RSPH14: variants seen among roughly 807,000 people sequenced by gnomAD.
RSPH14 encodes the protein radial spoke head 14 homolog.
In RSPH14, 20 loss-of-function variants were observed where a neutral mutation model predicts 26.7. The ratio of observed to expected loss-of-function variants is 0.75; its 90% CI spans 0.53 to 1.09. RSPH14 has a LOEUF of 1.09. RSPH14 is among the 50% of genes least tolerant of loss of function. RSPH14 has a pLI of 0.00. For missense variants in RSPH14, 449 were observed against 457.2 expected, an observed-to-expected ratio of 0.98 and a Z score of 0.16; for synonymous variants, 177 against 189.3, an observed-to-expected ratio of 0.93 and a Z score of 0.53.
intron 4 of RSPH14, chr22:23,123,386 A>G: frequency 1.2e-6 from 2 of 1,613,870 alleles, no homozygotes; most frequent in South Asian, 1.1e-5. Context: ...ACGCGGTGAC[A>G]GACGTCATCA....
intron 4 of RSPH14, among the ~76,000 whole-genome samples, chr22:23,125,976 T>A (rs993576772): frequency 6.6e-6 from 1 of 151,990 alleles, no homozygotes; most frequent in African/African-American, 2.4e-5. Context: ...CCTGGTGCTG[T>A]CACCGCCCCA....
At chr22:23,142,714 G>A (rs1346897194), upstream of RSPH14, among the ~76,000 whole-genome samples, 58 of 152,182 alleles carry the variant, frequency 3.8e-4, no homozygotes, top group Admixed American at 3.8e-3. Context: ...CAGGCTGACC[G>A]CCTGGTAATG....
At chr22:23,100,822 C>A (rs2069281283) in intron 4 of RSPH14, among the ~76,000 whole-genome samples, 1 of 152,218 alleles carries the variant, frequency 6.6e-6, no homozygotes, top group Non-Finnish European at 1.5e-5. Context: ...CCCAAGGAGA[C>A]CCTATGGGTG....
the RSPH14 span, among the ~76,000 whole-genome samples, chr22:23,159,568 C>T: frequency 6.6e-6 from 1 of 152,248 alleles, no homozygotes; most frequent in African/African-American, 2.4e-5. Flanking sequence ...ATAACTACCC[C>T]ATAACTACTC....
upstream of RSPH14, among the ~76,000 whole-genome samples, chr22:23,149,420 G>T (rs919596900): frequency 5.9e-5 from 9 of 152,216 alleles, no homozygotes; most frequent in African/African-American, 1.9e-4. Context: ...TGAGGCCCAT[G>T]CTCTTAAACC....
At chr22:23,078,152 T>A (rs1352470782) in intron 4 of RSPH14, among the ~76,000 whole-genome samples, 2 of 152,192 alleles carry the variant, frequency 1.3e-5, no homozygotes, top group African/African-American at 4.8e-5. Flanking sequence ...TCCAGCATGG[T>A]CACCCCCTCA....
At chr22:23,156,823 T>G in the RSPH14 span, among the ~76,000 whole-genome samples, 1 of 152,290 alleles carries the variant, frequency 6.6e-6, no homozygotes, top group East Asian at 1.9e-4. Context: ...GGCCTCTCCT[T>G]GAAAGGATGC....
intron 4 of RSPH14, among the ~76,000 whole-genome samples, chr22:23,097,661 T>TC (rs2069166553): frequency 6.6e-6 from 1 of 152,252 alleles, no homozygotes; most frequent in Non-Finnish European, 1.5e-5. Context: ...CCCCTTACCC[T>TC]GTGGTTGCCA....
Position 23,059,440 on chromosome 22 carries a change from C to G in RSPH14, c.*22G>C. 3 of 1,575,894 alleles carry G rather than the reference C, an allele frequency of 1.9e-6. No individual in the cohort carries two copies. Among genetic ancestry groups the G allele is most frequent in the Non-Finnish European group, 2.6e-6 (3 of 1,157,158 alleles). ...TAAAGAGACTTAGCACATTTATTCA[C>G]TCACAGAGGTGAATGAAGGGCTCAG... is the stretch of plus-strand genomic sequence containing the variant. On this transcript the variant is annotated 3_prime_UTR_variant, in exon 7 of 7. Transcript: ENST00000216036.
chr22:23,136,044 G>C (rs191653746), intron 3 of RSPH14: 182 of 359,504 alleles, frequency 5.1e-4, no homozygotes, highest in Non-Finnish European at 7.5e-4. Context: ...TGAATCGTCT[G>C]GAAAAAGAAA....
intron 3 of RSPH14, chr22:23,137,678 T>C (rs1202927616): frequency 1.9e-6 from 1 of 540,110 alleles, no homozygotes; most frequent in East Asian, 3.2e-5. Flanking sequence ...TCTTGTCTTT[T>C]CTTCCTTCTG....
the RSPH14 span, chr22:23,152,997 A>G: frequency 4.8e-6 from 7 of 1,462,154 alleles, no homozygotes; most frequent in Non-Finnish European, 6.7e-6. Context: ...CATTTCTGTG[A>G]GTACACCCCT....
chr22:23,109,706 C>T (rs906946416), intron 4 of RSPH14, among the ~76,000 whole-genome samples: 5 of 152,194 alleles, frequency 3.3e-5, no homozygotes, highest in Non-Finnish European at 5.9e-5. Context: ...GCTCACAGAA[C>T]CACGGGGGCA....
At chr22:23,080,937 C>T (rs76519833) in intron 4 of RSPH14, among the ~76,000 whole-genome samples, 4,754 of 152,266 alleles carry the variant, frequency 0.031, 269 homozygotes, top group African/African-American at 0.11. Context: ...TCCAGGGCAG[C>T]GGGCACTCTC....
At chr22:23,146,694 T>A (rs1308419469), upstream of RSPH14, 1 of 1,613,166 alleles carries the variant, frequency 6.2e-7, no homozygotes, top group Admixed American at 1.7e-5. Context: ...AGGTAGAGAG[T>A]CATTACGTCT....
chr22:23,113,227 C>T (rs536799023), intron 4 of RSPH14, among the ~76,000 whole-genome samples: 5 of 152,336 alleles, frequency 3.3e-5, no homozygotes, highest in African/African-American at 1.2e-4. Context: ...CAGCTGGGGC[C>T]CCAGCGCCAC....
intron 4 of RSPH14, among the ~76,000 whole-genome samples, chr22:23,113,070 C>G (rs538265145): frequency 2.6e-5 from 4 of 152,298 alleles, no homozygotes; most frequent in African/African-American, 9.6e-5. Flanking sequence ...CAGGGCTCAC[C>G]TCCAGGCTAG....
At chr22:23,108,561 A>G (rs2146354064) in intron 4 of RSPH14, among the ~76,000 whole-genome samples, 1 of 152,364 alleles carries the variant, frequency 6.6e-6, no homozygotes, top group South Asian at 2.1e-4. Flanking sequence ...GCAACCCCAG[A>G]GCAGAAGCAG....
the RSPH14 span, among the ~76,000 whole-genome samples, chr22:23,164,657 A>C: frequency 6.6e-6 from 1 of 152,214 alleles, no homozygotes; most frequent in Non-Finnish European, 1.5e-5. Context: ...AGCCCCCTGC[A>C]GCCAAGGTGC....
Sources: allele counts gnomAD v4.1 joint callset (sites outside exome capture counted in the v4.1 genomes callset), GRCh38; gene constraint gnomAD v4.1.1; transcripts MANE v1.5; gene names NCBI Gene and HGNC (gene_info 2026-07-23, HGNC 2026-07-21).